Variants in RPTOR observed in about 807,000 individuals in gnomAD.
RPTOR encodes regulatory-associated protein of mTOR.
In RPTOR, 21 loss-of-function variants were observed where a neutral mutation model predicts 169.9. The observed-to-expected ratio is 0.12, with a 90% CI of 0.09 to 0.18. RPTOR has a LOEUF of 0.18. Ranked by LOEUF, RPTOR falls within the 10% of genes least tolerant of loss-of-function variation. RPTOR has a pLI of 1.00. For missense variants in RPTOR, 1,133 were observed against 1,855.9 expected (o/e 0.61, Z 7.16); for synonymous variants, 732 against 753.2 (o/e 0.97, Z 0.46).
In RPTOR at chr17:80,840,716, A is replaced by G. The variant is rs1448520370; in HGVS notation, c.1212+2719A>G. Among the ~76,000 whole-genome samples the G allele has an allele frequency of 8.1e-3, 410 of 50,858 alleles. 7 individuals are homozygous for G. The highest frequency in any genetic ancestry group is 0.019 in the African/African-American group (245 of 12,586). The allele number at this position is 50,858 out of a possible 152,430, so 33.4% of individuals were successfully genotyped here. On this transcript the variant is annotated intron_variant, in intron 10 of 33. Coordinates refer to ENST00000306801, the MANE Select transcript of RPTOR (RefSeq NM_020761.3). ...CTCTCACCACACGGCAGCTCACACCACACGGCAGCTCACTCTCACCGCACG... is the reference window on the plus strand; with the variant it reads ...CTCTCACCACACGGCAGCTCACACCGCACGGCAGCTCACTCTCACCGCACG...
Position 80,707,782 on chromosome 17 carries a change from G to A in RPTOR, c.349-59G>A, listed in dbSNP as rs2066152848. 2.0e-6 allele frequency: 3 copies of A among 1,532,990 alleles called. No homozygotes were observed. The highest frequency in any genetic ancestry group is 2.7e-6 in the Non-Finnish European group (3 of 1,120,090). 95.0% of individuals were successfully genotyped at this position (1,532,990 alleles called of 1,614,324 possible). Reference sequence around the variant, plus strand: ...AAACCCAGAGGAAAGGGTAGGGGATGAGTTCCAAGCATTCCCTGGAGTCCG... The same window carrying A: ...AAACCCAGAGGAAAGGGTAGGGGATAAGTTCCAAGCATTCCCTGGAGTCCG... On this transcript the variant is annotated intron_variant, in intron 3 of 33. Transcript: ENST00000306801. This position sits in a 1 kb window ranked among gnomAD's most constrained non-coding sequence, Gnocchi z 5.0.
chr17:80,744,874 C>T (rs374675825), intron 5 of RPTOR, among the ~76,000 whole-genome samples: 1 of 116,550 alleles, frequency 8.6e-6, no homozygotes, highest in Admixed American at 9.7e-5. Flanking sequence ...GTCCTGGTTA[C>T]GAGCACAGCC....
chr17:80,783,174 T>G (rs1410777546), intron 6 of RPTOR, among the ~76,000 whole-genome samples: 1 of 152,248 alleles, frequency 6.6e-6, no homozygotes, highest in African/African-American at 2.4e-5. Context: ...AGTCTTGGCA[T>G]TCTTCGAAAA....
intron 3 of RPTOR, among the ~76,000 whole-genome samples, chr17:80,704,015 G>A (rs1039989296): frequency 6.6e-6 from 1 of 152,148 alleles, no homozygotes; most frequent in South Asian, 2.1e-4. Flanking sequence ...TCCTCTCCAG[G>A]ACTTGGTGCT....
chr17:80,812,626 C>T (rs1448919166), intron 7 of RPTOR, among the ~76,000 whole-genome samples: 1 of 152,092 alleles, frequency 6.6e-6, no homozygotes, highest in African/African-American at 2.4e-5. Context: ...GAGAGGTGGC[C>T]CCAAACGAAA....
At chr17:80,580,727 A>G (rs557608056) in intron 1 of RPTOR, among the ~76,000 whole-genome samples, 1 of 152,210 alleles carries the variant, frequency 6.6e-6, no homozygotes, top group South Asian at 2.1e-4. Flanking sequence ...AGCTCCAGCA[A>G]TCTTCCCACC....
intron 1 of RPTOR, among the ~76,000 whole-genome samples, chr17:80,616,798 C>T (rs1005063297): frequency 5.3e-5 from 8 of 152,054 alleles, no homozygotes; most frequent in African/African-American, 1.9e-4. Flanking sequence ...GCTATACTTA[C>T]TTTACGAAGA....
chr17:80,757,537 G>A (rs2066693020), intron 6 of RPTOR, among the ~76,000 whole-genome samples: 1 of 151,798 alleles, frequency 6.6e-6, no homozygotes, highest in African/African-American at 2.4e-5. Flanking sequence ...ATCTGTTTTG[G>A]GTTACTATAA....
intron 1 of RPTOR, among the ~76,000 whole-genome samples, chr17:80,597,851 T>C (rs368616758): frequency 2.5e-3 from 384 of 152,104 alleles, no homozygotes; most frequent in Middle Eastern, 3.4e-3. Context: ...TTCCTAAAGA[T>C]TCATCTGACT....
intron 21 of RPTOR, chr17:80,909,972 C>G (rs755856299): frequency 3.3e-5 from 5 of 152,196 alleles, no homozygotes; most frequent in Non-Finnish European, 7.3e-5. Context: ...TTCTCAGTCC[C>G]TTTTGTGAGC....
chr17:80,817,739 C>A (rs1220553217), intron 7 of RPTOR, among the ~76,000 whole-genome samples: 1 of 152,140 alleles, frequency 6.6e-6, no homozygotes, highest in Non-Finnish European at 1.5e-5. Context: ...GGAGACACAG[C>A]AGCTCTTGTT....
At chr17:80,712,343 G>T (rs2066201848) in intron 4 of RPTOR, among the ~76,000 whole-genome samples, 1 of 152,258 alleles carries the variant, frequency 6.6e-6, no homozygotes, top group South Asian at 2.1e-4. Context: ...TGTCCTTCAA[G>T]TCCTCTGTGC....
intron 1 of RPTOR, among the ~76,000 whole-genome samples, chr17:80,551,023 G>A (rs888804374): frequency 2.0e-5 from 3 of 152,158 alleles, no homozygotes; most frequent in South Asian, 2.1e-4. Flanking sequence ...GAGTAGCTGG[G>A]ACTACCAGTG....
chr17:80,621,653 A>G (rs1410721804), intron 1 of RPTOR, among the ~76,000 whole-genome samples: 1 of 152,236 alleles, frequency 6.6e-6, no homozygotes, highest in East Asian at 1.9e-4. Flanking sequence ...CACCTAGTTC[A>G]TGTCCCTGTG....
At chr17:80,922,875 C>T in intron 22 of RPTOR, 48 bp downstream of exon 22, 1 of 1,483,312 alleles carries the variant, frequency 6.7e-7, no homozygotes, top group South Asian at 1.2e-5. Flanking sequence ...TGACCGGGGC[C>T]CCACGGGCTG....
intron 17 of RPTOR, among the ~76,000 whole-genome samples, chr17:80,887,955 G>A (rs2068269182): frequency 6.6e-6 from 1 of 152,176 alleles, no homozygotes. Flanking sequence ...CCAGGCCAGG[G>A]GTGCGGGGCT....
chr17:80,638,516 C>T (rs2065526994), intron 2 of RPTOR, among the ~76,000 whole-genome samples: 4 of 151,062 alleles, frequency 2.6e-5, no homozygotes, highest in Admixed American at 2.6e-4. Context: ...ATCCTCCCAC[C>T]TCAGCCTCCT....
chr17:80,705,480 T>C (rs1668103920), intron 3 of RPTOR, among the ~76,000 whole-genome samples: 1 of 152,240 alleles, frequency 6.6e-6, no homozygotes, highest in African/African-American at 2.4e-5. Flanking sequence ...AAGATATTCA[T>C]ACATCTACTG....
intron 6 of RPTOR, among the ~76,000 whole-genome samples, chr17:80,764,292 C>T (rs1254199519): frequency 6.9e-6 from 1 of 145,026 alleles, no homozygotes. Context: ...AGGTATATCT[C>T]CTAATGCTAT....
Sources: gnomAD v4.1 joint callset for allele counts (sites outside exome capture counted in the v4.1 genomes callset) on GRCh38, gnomAD v4.1.1 for gene constraint, Gnocchi (gnomAD v3.1) non-coding constraint, MANE v1.5 for transcripts, NCBI Gene and HGNC (gene_info 2026-07-23, HGNC 2026-07-21) for gene names.